The following BMPER variants were observed in gnomAD, a reference collection of about 807,000 sequenced individuals.
BMPER encodes BMP-binding endothelial regulator protein.
Under a neutral mutation model 87.3 loss-of-function variants are expected in BMPER, and 45 were observed. That is an observed-to-expected ratio of 0.52 (90% confidence interval 0.41 to 0.66). BMPER has a LOEUF of 0.66. Ranked by LOEUF, BMPER falls within the 30% of genes least tolerant of loss-of-function variation. The pLI, the probability that BMPER is intolerant of heterozygous loss-of-function variation, is 0.00. For missense variants in BMPER, 784 were observed against 867.5 expected, an observed-to-expected ratio of 0.90 and a Z score of 1.21; for synonymous variants, 326 against 316.2, an observed-to-expected ratio of 1.03 and a Z score of -0.33.
chr7:34,019,056 G>T (rs958282234), intron 6 of BMPER, among the ~76,000 whole-genome samples: 1 of 151,932 alleles, frequency 6.6e-6, no homozygotes, highest in Non-Finnish European at 1.5e-5. Flanking sequence ...CCCCACAGAT[G>T]GATGACTTGC....
At chr7:34,045,416 G>C (rs897568912) in intron 6 of BMPER, among the ~76,000 whole-genome samples, 1 of 152,146 alleles carries the variant, frequency 6.6e-6, no homozygotes, top group Non-Finnish European at 1.5e-5. Flanking sequence ...AGGGGAAGTC[G>C]TCAGACTATA....
chr7:34,015,568 T>G (rs983506375), intron 6 of BMPER, among the ~76,000 whole-genome samples: 1 of 151,832 alleles, frequency 6.6e-6, no homozygotes, highest in Non-Finnish European at 1.5e-5. Context: ...AACTTTCTAT[T>G]GGTGAGATGA....
At chr7:34,024,675 T>C (rs1457189663) in intron 6 of BMPER, among the ~76,000 whole-genome samples, 1 of 151,542 alleles carries the variant, frequency 6.6e-6, no homozygotes, top group Non-Finnish European at 1.5e-5. Context: ...CCTATAGTGG[T>C]AGAGATGGAT....
At chr7:33,997,637 G>A (rs937989524) in intron 6 of BMPER, among the ~76,000 whole-genome samples, 3 of 152,106 alleles carry the variant, frequency 2.0e-5, no homozygotes, top group African/African-American at 7.2e-5. Flanking sequence ...CCAGTCTTGG[G>A]TATTTCTTTA....
chr7:34,032,638 G>A (rs1787559544), intron 6 of BMPER, among the ~76,000 whole-genome samples: 1 of 152,160 alleles, frequency 6.6e-6, no homozygotes, highest in South Asian at 2.1e-4. Flanking sequence ...CGGAATGTTT[G>A]AGAAGAGAAT....
intron 6 of BMPER, among the ~76,000 whole-genome samples, chr7:33,999,374 GA>G (rs1350672897): frequency 6.6e-6 from 1 of 152,170 alleles, no homozygotes; most frequent in African/African-American, 2.4e-5. Context: ...GCTTTAAAAA[GA>G]TGTGTTCTCC....
rs372103583 is a variant in BMPER, at chr7:33,953,843, T to A, written c.320-12636T>A. 1.1e-4 allele frequency among the ~76,000 whole-genome samples: 16 copies of A among 152,314 alleles called. No homozygotes were observed. In the South Asian group the frequency reaches 1.9e-3, roughly 18 times the overall value. On this transcript the variant is annotated intron_variant, in intron 3 of 14. Transcript: ENST00000649409. ...GCCCTTGGTAGCCTGCATTCCACTT[T>A]CTGTCTTTATGAATTTGCCTGTTCT...
At chr7:33,953,282 A>T (rs1785070397) in intron 3 of BMPER, among the ~76,000 whole-genome samples, 1 of 152,256 alleles carries the variant, frequency 6.6e-6, no homozygotes, top group South Asian at 2.1e-4. Context: ...TCAGACATCT[A>T]GACAGGGAAC....
intron 6 of BMPER, chr7:34,042,840 G>C (rs1450436318): frequency 2.6e-5 from 4 of 152,202 alleles, no homozygotes; most frequent in Non-Finnish European, 1.5e-5. Context: ...CTCCTTACAG[G>C]ATTGAGCCTT....
chr7:33,984,238 C>G (rs369440023), intron 6 of BMPER, among the ~76,000 whole-genome samples: 2 of 152,174 alleles, frequency 1.3e-5, no homozygotes, highest in South Asian at 4.2e-4. Context: ...GAGGCCGAGG[C>G]GGGTGGATCA....
At chr7:34,091,368 A>G (rs1383425751) in intron 13 of BMPER, among the ~76,000 whole-genome samples, 2 of 152,210 alleles carry the variant, frequency 1.3e-5, no homozygotes, top group Non-Finnish European at 2.9e-5. Flanking sequence ...TCTTGTAATG[A>G]CTTGTCAAGA....
intron 1 of BMPER, among the ~76,000 whole-genome samples, chr7:33,906,456 A>C (rs562199192): frequency 8.0e-6 from 1 of 124,384 alleles, no homozygotes; most frequent in African/African-American, 2.9e-5. Context: ...GGGTTTTTTT[A>C]AATTTTATTT....
chr7:34,033,918 T>C (rs1034124997), intron 6 of BMPER, among the ~76,000 whole-genome samples: 2 of 152,264 alleles, frequency 1.3e-5, no homozygotes, highest in Non-Finnish European at 2.9e-5. Context: ...TCGTTTTCTG[T>C]ATCATTATCT....
intron 3 of BMPER, among the ~76,000 whole-genome samples, chr7:33,951,629 T>C (rs548375185): frequency 6.6e-6 from 1 of 152,304 alleles, no homozygotes; most frequent in East Asian, 1.9e-4. Context: ...GTAGGGATGA[T>C]AGTATTTTCA....
chr7:33,924,310 G>T (rs1053488761), intron 2 of BMPER, among the ~76,000 whole-genome samples: 1 of 152,210 alleles, frequency 6.6e-6, no homozygotes, highest in Non-Finnish European at 1.5e-5. Context: ...TTATCAACCA[G>T]TGACCATTTG....
At chr7:34,074,381 G>A (rs940481541) in intron 11 of BMPER, among the ~76,000 whole-genome samples, 3 of 152,220 alleles carry the variant, frequency 2.0e-5, no homozygotes, top group Non-Finnish European at 1.5e-5. Flanking sequence ...TGCAAGATGG[G>A]GGGCTCCTGA....
At chr7:34,110,684 A>G (rs908554178) in intron 13 of BMPER, among the ~76,000 whole-genome samples, 2 of 152,174 alleles carry the variant, frequency 1.3e-5, no homozygotes, top group Admixed American at 1.3e-4. Context: ...TGCATCTGGG[A>G]AGGGTTTTCT....
chr7:34,063,133 C>G (rs912910526), intron 11 of BMPER, among the ~76,000 whole-genome samples: 1 of 152,154 alleles, frequency 6.6e-6, no homozygotes, highest in East Asian at 1.9e-4. Flanking sequence ...TTAGTAATGT[C>G]ACTGTCAAAT....
At chr7:34,070,654 C>G (rs1157174787) in intron 11 of BMPER, among the ~76,000 whole-genome samples, 1 of 151,992 alleles carries the variant, frequency 6.6e-6, no homozygotes, top group Non-Finnish European at 1.5e-5. Context: ...GTAATATTTT[C>G]AAAACAAGGT....
Sources: allele counts gnomAD v4.1 joint callset (sites outside exome capture counted in the v4.1 genomes callset), GRCh38; gene constraint gnomAD v4.1.1; transcripts MANE v1.5; gene names NCBI Gene and HGNC (gene_info 2026-07-23, HGNC 2026-07-21).